The following NAALADL2 variants were observed in gnomAD, a reference collection of about 807,000 sequenced individuals.
NAALADL2 encodes N-acetylated alpha-linked acidic dipeptidase like 2.
In NAALADL2, 76 loss-of-function variants were observed where a neutral mutation model predicts 87.2. The observed-to-expected ratio is 0.87, with a 90% CI of 0.72 to 1.05. NAALADL2 has a LOEUF of 1.05. Ranked by LOEUF, NAALADL2 falls within the 50% of genes least tolerant of loss-of-function variation. The pLI is 0.00. For missense variants in NAALADL2, 1,089 were observed against 945.8 expected (o/e 1.15, Z -1.99); for synonymous variants, 354 against 331.0 (o/e 1.07, Z -0.75).
intron 11 of NAALADL2, among the ~76,000 whole-genome samples, chr3:175,702,684 T>G (rs1203039023): frequency 6.6e-6 from 1 of 152,136 alleles, no homozygotes; most frequent in African/African-American, 2.4e-5. Context: ...ACTTTAGAAT[T>G]CAACTGCTGC....
intron 1 of NAALADL2, among the ~76,000 whole-genome samples, chr3:174,531,237 G>T (rs953037329): frequency 4.6e-5 from 7 of 150,634 alleles, no homozygotes; most frequent in South Asian, 4.2e-4. Flanking sequence ...CTCATTTTTA[G>T]TCCTTTTAGT....
At chr3:175,111,851 T>G (rs1724245127) in intron 2 of NAALADL2, among the ~76,000 whole-genome samples, 1 of 151,652 alleles carries the variant, frequency 6.6e-6, no homozygotes, top group Admixed American at 6.6e-5. Context: ...TGTGAAGACT[T>G]GAAATCGGGG....
chr3:175,594,634 C>T lies in NAALADL2; in HGVS notation c.1800+18447C>T, dbSNP rs551534741. On this transcript the variant is annotated intron_variant, in intron 10 of 13. Coordinates refer to ENST00000454872, the MANE Select transcript of NAALADL2 (RefSeq NM_207015.3). ...TACATTCCCATCAACAGTATATAAG[C>T]GTTACCTTTTGTCTGCATTTTTGCC... is the stretch of plus-strand genomic sequence containing the variant. Among the ~76,000 whole-genome samples the T allele has an allele frequency of 5.9e-5, 9 of 152,202 alleles. No homozygotes were observed. In the East Asian group the frequency reaches 1.4e-3, roughly 23 times the overall value.
rs1560993248 is a variant in NAALADL2, at chr3:175,697,860, TA to T, written c.1897-39445del. On this transcript the variant is annotated intron_variant, in intron 11 of 13. Coordinates refer to ENST00000454872, the MANE Select transcript of NAALADL2 (RefSeq NM_207015.3). ...ATTTATGTATACATATATATGTGTA[TA>T]TATGTATGTATACATATATATGTGT... Among the ~76,000 whole-genome samples, 183 of 96,022 alleles carry T rather than the reference TA, an allele frequency of 1.9e-3. 2 individuals carry two copies. The highest frequency in any genetic ancestry group is 9.1e-3 in the Middle Eastern group (1 of 110). 63.0% of individuals were successfully genotyped at this position (96,022 alleles called of 152,430 possible). A position where few individuals can be genotyped will look rare whatever the true frequency, so the allele number is the denominator to read the frequency against.
In NAALADL2 at chr3:175,680,934, G is replaced by A. The variant is rs1446553923; in HGVS notation, c.1896+53548G>A. Reference sequence around the variant, plus strand: ...TCGGCACAATCCTGGCCAACATGGTGAAACCCCGTCTCTACTAACATACAA... The same window carrying A: ...TCGGCACAATCCTGGCCAACATGGTAAAACCCCGTCTCTACTAACATACAA... On this transcript the variant is annotated intron_variant, in intron 11 of 13. Transcript: ENST00000454872. Among the ~76,000 whole-genome samples the A allele has an allele frequency of 2.0e-5, 3 of 152,224 alleles. No individual in the cohort carries two copies. In the East Asian group the frequency reaches 5.8e-4, roughly 29 times the overall value.
chr3:175,264,743 C>A (rs774301619), intron 4 of NAALADL2, among the ~76,000 whole-genome samples: 1 of 151,346 alleles, frequency 6.6e-6, no homozygotes, highest in Non-Finnish European at 1.5e-5. Context: ...ATTTTTACAT[C>A]CTTCAGTGTT....
intron 1 of NAALADL2, among the ~76,000 whole-genome samples, chr3:174,495,090 A>C (rs974738122): frequency 2.6e-5 from 4 of 152,198 alleles, no homozygotes; most frequent in Admixed American, 1.3e-4. Context: ...ATTAGCCAAA[A>C]TATCTACTGG....
chr3:175,620,494 T>G (rs1726063692), intron 10 of NAALADL2, among the ~76,000 whole-genome samples: 1 of 151,996 alleles, frequency 6.6e-6, no homozygotes, highest in Admixed American at 6.6e-5. Context: ...CCCCCAGAAG[T>G]TTTGCTGCTC....
Position 174,578,440 on chromosome 3 carries a change from G to A in NAALADL2, c.-115+27803G>A, listed in dbSNP as rs575536083. 5.9e-5 allele frequency among the ~76,000 whole-genome samples: 9 copies of A among 151,940 alleles called. No homozygotes were observed. In the East Asian group the frequency reaches 1.7e-3, roughly 29 times the overall value. On this transcript the variant is annotated intron_variant, in intron 2 of 3. Transcript: ENST00000434257. The stretch of plus-strand genomic sequence containing the variant: ...TCACTGACTTTTTATCAGAAACAAA[G>A]GAGATCAGCAGACAATGGGACAACA...
intron 2 of NAALADL2, among the ~76,000 whole-genome samples, chr3:174,657,737 A>G (rs1314012668): frequency 2.0e-5 from 3 of 152,168 alleles, no homozygotes; most frequent in African/African-American, 7.2e-5. Context: ...TATCTGTCAT[A>G]CAACAGTATT....
At chr3:175,775,831 A>G (rs1253028950) in intron 13 of NAALADL2, among the ~76,000 whole-genome samples, 1 of 152,174 alleles carries the variant, frequency 6.6e-6, no homozygotes, top group Non-Finnish European at 1.5e-5. Context: ...GAAGAGTTGT[A>G]GCAGTGGTTA....
chr3:174,745,348 A>C (rs1578760601), intron 3 of NAALADL2, among the ~76,000 whole-genome samples: 2 of 152,172 alleles, frequency 1.3e-5, no homozygotes, highest in African/African-American at 2.4e-5. Context: ...TCTAAAAAAA[A>C]CTGATAAATT....
intron 1 of NAALADL2, among the ~76,000 whole-genome samples, chr3:174,955,654 T>G (rs562884066): frequency 1.7e-4 from 26 of 152,154 alleles, no homozygotes; most frequent in African/African-American, 6.3e-4. Context: ...TAAAGACAAA[T>G]AGAGATATCA....
intron 8 of NAALADL2, 69 bp from the exon 9 acceptor site, chr3:175,471,570 C>A: frequency 2.4e-6 from 2 of 833,512 alleles, no homozygotes; most frequent in East Asian, 5.9e-5. Flanking sequence ...CATTATTCAA[C>A]ATCTAACTAA....
At chr3:175,038,679 T>C (rs1681764045) in intron 1 of NAALADL2, among the ~76,000 whole-genome samples, 1 of 152,200 alleles carries the variant, frequency 6.6e-6, no homozygotes, top group South Asian at 2.1e-4. Context: ...AGAGGCTCTT[T>C]TAAAATAAAG....
chr3:174,558,213 A>G (rs952290634), intron 2 of NAALADL2, among the ~76,000 whole-genome samples: 1 of 152,086 alleles, frequency 6.6e-6, no homozygotes, highest in African/African-American at 2.4e-5. Context: ...AAGGGATAGC[A>G]ATTAGGCCTG....
At chr3:174,969,019 A>G (rs545725714) in intron 1 of NAALADL2, among the ~76,000 whole-genome samples, 1 of 152,328 alleles carries the variant, frequency 6.6e-6, no homozygotes, top group South Asian at 2.1e-4. Context: ...TATGCCACAT[A>G]AAATAGGGAG....
intron 4 of NAALADL2, among the ~76,000 whole-genome samples, chr3:175,283,207 A>G (rs540137428): frequency 6.6e-6 from 1 of 152,266 alleles, no homozygotes; most frequent in African/African-American, 2.4e-5. Flanking sequence ...AATATACTAA[A>G]GACTGCACGG....
chr3:175,369,905 G>A (rs991005634), intron 5 of NAALADL2, among the ~76,000 whole-genome samples: 12 of 152,090 alleles, frequency 7.9e-5, no homozygotes, highest in Non-Finnish European at 1.8e-4. Context: ...CTACATTCCG[G>A]TTTCTGAAGG....
Sources: gnomAD v4.1 joint callset for allele counts (sites outside exome capture counted in the v4.1 genomes callset) on GRCh38, gnomAD v4.1.1 for gene constraint, MANE v1.5 for transcripts, NCBI Gene and HGNC (gene_info 2026-07-23, HGNC 2026-07-21) for gene names.